The following MYO16 variants were observed in gnomAD, a reference collection of about 807,000 sequenced individuals.
The protein encoded by MYO16 is unconventional myosin-XVI.
In MYO16, 94 loss-of-function variants were observed where a neutral mutation model predicts 205.3. That is an observed-to-expected ratio of 0.46 (90% confidence interval 0.39 to 0.54). The LOEUF is 0.54. Ranked by LOEUF, MYO16 falls within the 20% of genes least tolerant of loss-of-function variation. The pLI is 0.00. For synonymous variants in MYO16, 988 were observed against 954.0 expected, an observed-to-expected ratio of 1.04 and a Z score of -0.66; for missense variants, 2,315 against 2,387.5, an observed-to-expected ratio of 0.97 and a Z score of 0.63.
chr13:108,503,686 G>A, the MYO16 span, among the ~76,000 whole-genome samples: 1 of 152,100 alleles, frequency 6.6e-6, no homozygotes, highest in South Asian at 2.1e-4. Context: ...GCTGCATAAA[G>A]AAGCATCCTC....
At chr13:108,785,164 C>T (rs1441653274) in intron 4 of MYO16, among the ~76,000 whole-genome samples, 1 of 152,126 alleles carries the variant, frequency 6.6e-6, no homozygotes, top group Non-Finnish European at 1.5e-5. Context: ...GTGAGAAGAG[C>T]TCCCAGATGA....
chr13:108,661,973 G>C (rs1408108419), intron 1 of MYO16, among the ~76,000 whole-genome samples: 1 of 152,162 alleles, frequency 6.6e-6, no homozygotes, highest in Admixed American at 6.5e-5. Context: ...GTCCTATGGG[G>C]TGTTCCTTTG....
Position 108,687,825 on chromosome 13 carries a change from G to A in MYO16, c.292+21676G>A, listed in dbSNP as rs7989547. On this transcript the variant is annotated intron_variant, in intron 2 of 34. Coordinates refer to ENST00000457511, the MANE Select transcript of MYO16 (RefSeq NM_001198950.3). The stretch of plus-strand genomic sequence containing the variant: ...TTGGTAGAAGTACATTATCTAAAAC[G>A]AGGGAGGCAGAAGGACTGGGATAAT... Among the ~76,000 whole-genome samples the A allele has an allele frequency of 9.4e-3, 1,437 of 152,218 alleles. 29 individuals carry two copies. Among genetic ancestry groups the A allele is most frequent in the African/African-American group, 0.032 (1,325 of 41,538 alleles).
At chr13:108,712,232 T>C (rs1057298294) in intron 2 of MYO16, among the ~76,000 whole-genome samples, 3 of 152,238 alleles carry the variant, frequency 2.0e-5, no homozygotes, top group Non-Finnish European at 4.4e-5. Context: ...GGAAGGTTAA[T>C]GTGCAAAAGT....
chr13:108,956,997 C>CAAGGAA (rs1883375451), intron 16 of MYO16, among the ~76,000 whole-genome samples: 1 of 152,068 alleles, frequency 6.6e-6, no homozygotes, highest in South Asian at 2.1e-4. Flanking sequence ...AAAGTACCAA[C>CAAGGAA]AAGGAAAAAT....
At chr13:108,636,747 A>G (rs1262695757) in intron 1 of MYO16, among the ~76,000 whole-genome samples, 2 of 152,170 alleles carry the variant, frequency 1.3e-5, no homozygotes, top group Non-Finnish European at 2.9e-5. Flanking sequence ...TTAAAAATGT[A>G]TTATAATAAG....
intron 27 of MYO16, among the ~76,000 whole-genome samples, chr13:109,084,767 G>A (rs913419232): frequency 6.6e-6 from 1 of 150,776 alleles, no homozygotes; most frequent in Non-Finnish European, 1.5e-5. Flanking sequence ...GCAATAGTTT[G>A]TGAATGTCTG....
intron 27 of MYO16, among the ~76,000 whole-genome samples, chr13:109,059,373 G>A (rs575454503): frequency 6.6e-6 from 1 of 152,258 alleles, no homozygotes; most frequent in African/African-American, 2.4e-5. Context: ...GTGTTAGCAG[G>A]CATGAAAACA....
intron 27 of MYO16, among the ~76,000 whole-genome samples, chr13:109,067,354 T>C (rs1169327713): frequency 5.3e-5 from 8 of 152,352 alleles, no homozygotes; most frequent in South Asian, 2.1e-4. Context: ...TTAATCCTCA[T>C]AGCACTCGTG....
chr13:109,041,314 C>T (rs1041890057), intron 23 of MYO16, among the ~76,000 whole-genome samples: 2 of 152,126 alleles, frequency 1.3e-5, no homozygotes, highest in African/African-American at 4.8e-5. Context: ...GACATATAGG[C>T]TAATGCATTC....
intron 16 of MYO16, among the ~76,000 whole-genome samples, chr13:108,926,267 G>A (rs1034241124): frequency 7.9e-5 from 12 of 152,208 alleles, no homozygotes; most frequent in Non-Finnish European, 1.8e-4. Flanking sequence ...CTGTTGCACA[G>A]AGTCGCAGTC....
Position 109,055,552 on chromosome 13 carries a change from T to C in MYO16, c.3292T>C (p.Tyr1098His), listed in dbSNP as rs1290210062. The C allele has an allele frequency of 6.2e-7, 1 of 1,612,894 alleles. No individual in the cohort carries two copies. Among genetic ancestry groups the C allele is most frequent in the Admixed American group, 1.7e-5 (1 of 59,922 alleles). Residue 1098 changes from tyrosine to histidine, a missense_variant, in exon 27 of 35, where the codon TAT (tyrosine) becomes CAT (histidine). Tyr to His is a moderately conservative substitution (Grantham distance 83). Around this residue, in one of 3 missense-constraint regions of MYO16, gnomAD observed 1,097 missense variants for 1,092.0 expected, o/e 1.00. Transcript: ENST00000457511. The surrounding 1 kb of genome is among the most constrained non-coding windows in gnomAD (Gnocchi z 5.0). The stretch of plus-strand genomic sequence containing the variant: ...CCTGGAGATGGTGAAGATCTTCCGA[T>C]ATGGATACCCTGTTCGCCTTTCCTT... Reference protein sequence around the residue: ...GVLEMVKIFRYGYPVRLSFSD... With the variant: ...GVLEMVKIFRHGYPVRLSFSD...
At chr13:109,021,298 G>C (rs1450085556) in intron 23 of MYO16, among the ~76,000 whole-genome samples, 1 of 152,134 alleles carries the variant, frequency 6.6e-6, no homozygotes, top group Non-Finnish European at 1.5e-5. Flanking sequence ...CCTTATCTTA[G>C]ATCAGGAAGC....
chr13:108,841,967 A>G (rs1374081737), intron 9 of MYO16, among the ~76,000 whole-genome samples: 1 of 152,148 alleles, frequency 6.6e-6, no homozygotes, highest in African/African-American at 2.4e-5. Flanking sequence ...CCAAGACCCA[A>G]TAGGGAAAAG....
the MYO16 span, among the ~76,000 whole-genome samples, chr13:108,579,081 G>A: frequency 6.6e-6 from 1 of 152,060 alleles, no homozygotes; most frequent in Non-Finnish European, 1.5e-5. Flanking sequence ...TTTTTCCTTT[G>A]TAGGGGATGT....
At chr13:108,807,229 C>T (rs987334) in intron 7 of MYO16, among the ~76,000 whole-genome samples, 96,885 of 151,948 alleles carry the variant, frequency 0.64, 32,731 homozygotes, top group East Asian at 0.77. Flanking sequence ...CATTTCAGAA[C>T]ATTACTTTGG....
At chr13:108,761,096 A>T (rs1049599181) in intron 4 of MYO16, among the ~76,000 whole-genome samples, 40 of 152,296 alleles carry the variant, frequency 2.6e-4, no homozygotes, top group African/African-American at 8.9e-4. Context: ...CTGTTGATGG[A>T]TACCTAAATA....
intron 24 of MYO16, among the ~76,000 whole-genome samples, chr13:109,051,047 A>G (rs980937497): frequency 4.6e-5 from 7 of 152,164 alleles, no homozygotes; most frequent in African/African-American, 1.7e-4. Flanking sequence ...CTGGTGTATG[A>G]TTGCTTTTAG....
At chr13:108,953,837 A>G (rs140563430) in intron 16 of MYO16, among the ~76,000 whole-genome samples, 100 of 152,292 alleles carry the variant, frequency 6.6e-4, no homozygotes, top group African/African-American at 2.1e-3. Flanking sequence ...TAGTGGGAGA[A>G]GTTTAAGCAT....
Sources: gnomAD v4.1 joint callset for allele counts (sites outside exome capture counted in the v4.1 genomes callset) on GRCh38, gnomAD v4.1.1 for gene constraint, gnomAD v4.1.1 regional missense constraint, Gnocchi (gnomAD v3.1) non-coding constraint, MANE v1.5 for transcripts, NCBI Gene and HGNC (gene_info 2026-07-23, HGNC 2026-07-21) for gene names.